Variants in CHAF1B observed in about 807,000 individuals in gnomAD.
The protein encoded by CHAF1B is CAF-1 subunit B.
A neutral mutation model predicts 60.7 loss-of-function variants in CHAF1B; 10 were observed. The ratio of observed to expected loss-of-function variants is 0.16; its 90% CI spans 0.10 to 0.28. The LOEUF is 0.28. Ranked by LOEUF, CHAF1B falls within the 10% of genes least tolerant of loss-of-function variation. The pLI, the probability that CHAF1B is intolerant of heterozygous loss-of-function variation, is 1.00. For missense variants in CHAF1B, 558 were observed against 708.4 expected, an observed-to-expected ratio of 0.79 and a Z score of 2.41; for synonymous variants, 261 against 266.1, an observed-to-expected ratio of 0.98 and a Z score of 0.19.
chr21:36,415,021 T>A (rs2086307014), intron 12 of CHAF1B, among the ~76,000 whole-genome samples: 1 of 152,216 alleles, frequency 6.6e-6, no homozygotes, highest in African/African-American at 2.4e-5. Flanking sequence ...CACAAGACCG[T>A]CGGTAATGAA....
chr21:36,409,619 A>T (rs548299774), intron 10 of CHAF1B, among the ~76,000 whole-genome samples, 154 bp downstream of exon 10: 1 of 151,966 alleles, frequency 6.6e-6, no homozygotes, highest in African/African-American at 2.4e-5. Context: ...TTACATTTAA[A>T]TCTATTTATT....
intron 3 of CHAF1B, among the ~76,000 whole-genome samples, chr21:36,389,415 G>C (rs2086063837): frequency 6.6e-6 from 1 of 152,002 alleles, no homozygotes; most frequent in Non-Finnish European, 1.5e-5. Context: ...AGATCAGCCT[G>C]GCCAATATAG....
At chr21:36,411,340 C>T (rs2086276581) in intron 10 of CHAF1B, 123 bp from the exon 11 acceptor site, 2 of 1,172,882 alleles carry the variant, frequency 1.7e-6, no homozygotes, top group Admixed American at 4.3e-5. Flanking sequence ...TCTCAAACTC[C>T]TGAGCTCAAG....
intron 5 of CHAF1B, among the ~76,000 whole-genome samples, chr21:36,395,344 G>A (rs988241156): frequency 2.0e-5 from 3 of 152,194 alleles, no homozygotes; most frequent in Admixed American, 1.3e-4. Context: ...CACCACACCC[G>A]GCCTACTTGC....
chr21:36,413,057 G>A lies in CHAF1B; in HGVS notation c.1235G>A (p.Gly412Glu), dbSNP rs776964270. 23 of 1,613,962 alleles carry A rather than the reference G, an allele frequency of 1.4e-5. No homozygotes were observed. The highest frequency in any genetic ancestry group is 1.9e-5 in the Non-Finnish European group (23 of 1,180,032). The change falls in exon 12 of 14, where the codon GGA (glycine) becomes GAA (glutamate). Residue 412 changes from glycine (G) to glutamate (E), a missense_variant. This residue lies in a region of CHAF1B where 233 missense variants were observed against 214.9 expected (regional missense o/e 1.08). Transcript: ENST00000314103. Reference sequence around the variant, plus strand: ...CAGACACATCGAGGGTCTTCGCCAGGACCCAGACCGGTAGAGGGAACCCCT... The same window carrying A: ...CAGACACATCGAGGGTCTTCGCCAGAACCCAGACCGGTAGAGGGAACCCCT... Reference protein sequence around the residue: ...KSQTHRGSSPGPRPVEGTPAS... With the variant: ...KSQTHRGSSPEPRPVEGTPAS...
rs557610606 is a variant in CHAF1B, at chr21:36,416,867, T to C, written c.*501T>C. The C allele has an allele frequency of 6.6e-6, 1 of 152,406 alleles. No homozygotes were observed. Among genetic ancestry groups the C allele is most frequent in the African/African-American group, 2.4e-5 (1 of 41,580 alleles). The allele number at this position is 152,406 out of a possible 1,614,324, so 9.4% of individuals were successfully genotyped here. The stretch of plus-strand genomic sequence containing the variant: ...CTGATTTTAAAGGTGACGATGCTTA[T>C]TCTTTTAGTAACTAAGTGAAGTGAA... On this transcript the variant is annotated 3_prime_UTR_variant, in exon 14 of 14. Transcript: ENST00000314103.
At chr21:36,389,800 T>TGTGTGTGTGTGTGTGCGC in intron 3 of CHAF1B, among the ~76,000 whole-genome samples, 25 of 124,794 alleles carry the variant, frequency 2.0e-4, no homozygotes, top group Middle Eastern at 4.1e-3. Flanking sequence ...TGTGTGTGTG[T>TGTGTGTGTGTGTGTGCGC]GCGCGCGCAC....
In CHAF1B at chr21:36,401,866, G is replaced by A. The variant is rs372577960; in HGVS notation, c.664-892G>A. 5.9e-5 allele frequency among the ~76,000 whole-genome samples: 9 copies of A among 151,550 alleles called. No individual in the cohort carries two copies. In the East Asian group the frequency reaches 7.7e-4, roughly 13 times the overall value. ...AGCGGTTCTCCTGCCTCAGCCTCCC[G>A]AGAAGCTGGGATTACAGGCGTGTGC... On this transcript the variant is annotated intron_variant, in intron 7 of 13. Transcript: ENST00000314103.
chr21:36,386,074 C>T lies in CHAF1B; in HGVS notation c.-63C>T. 2.5e-6 allele frequency: 4 copies of T among 1,601,808 alleles called. No homozygotes were observed. Among genetic ancestry groups the T allele is most frequent in the Non-Finnish European group, 3.4e-6 (4 of 1,172,040 alleles). On this transcript the variant is annotated 5_prime_UTR_variant, in exon 2 of 14. Transcript: ENST00000314103. ...TCCATCACCAGCATTTTGCAGCTTT[C>T]TCCTGTCTTGAAGAAGTAGAACGGT...
intron 13 of CHAF1B, chr21:36,416,015 A>G (rs566513584): frequency 2.6e-6 from 1 of 390,402 alleles, no homozygotes; most frequent in East Asian, 5.6e-5. Flanking sequence ...CAGCCTCCCA[A>G]AGTGCTGCGA....
chr21:36,416,952 T>C lies in CHAF1B; in HGVS notation c.*586T>C, dbSNP rs1415092954. ...AGTAACCCTCGTTAATGTTGTAGTATATTTCCTTAGCATTTTTGTGGATCT... is the reference window on the plus strand; with the variant it reads ...AGTAACCCTCGTTAATGTTGTAGTACATTTCCTTAGCATTTTTGTGGATCT... On this transcript the variant is annotated 3_prime_UTR_variant, in exon 14 of 14. Coordinates refer to ENST00000314103, the MANE Select transcript of CHAF1B (RefSeq NM_005441.3). 3 of 152,218 alleles carry C rather than the reference T, an allele frequency of 2.0e-5. No homozygotes were observed. The highest frequency in any genetic ancestry group is 4.4e-5 in the Non-Finnish European group (3 of 68,034). The allele number at this position is 152,218 out of a possible 1,614,324, so 9.4% of individuals were successfully genotyped here.
In CHAF1B at chr21:36,417,369, G is replaced by A. The variant is rs145013661; in HGVS notation, c.*1003G>A. 2.7e-4 allele frequency: 41 copies of A among 149,930 alleles called. No homozygotes were observed. Among genetic ancestry groups the A allele is most frequent in the Middle Eastern group, 3.4e-3 (1 of 294 alleles). 9.3% of individuals were successfully genotyped at this position (149,930 alleles called of 1,614,324 possible). ...TTTTGAGATGGAGTCTCACTCTGTCGCCCAGGCTGGAGTACAGTGGCACAA... is the reference window on the plus strand; with the variant it reads ...TTTTGAGATGGAGTCTCACTCTGTCACCCAGGCTGGAGTACAGTGGCACAA... On this transcript the variant is annotated 3_prime_UTR_variant, in exon 14 of 14. Coordinates refer to ENST00000314103, the MANE Select transcript of CHAF1B (RefSeq NM_005441.3).
chr21:36,396,608 G>A (rs2086141608), intron 5 of CHAF1B, among the ~76,000 whole-genome samples: 2 of 150,982 alleles, frequency 1.3e-5, no homozygotes, highest in African/African-American at 2.4e-5. Context: ...GAGCTCTGAC[G>A]GCGCCACTGC....
chr21:36,404,756 T>A (rs1240562323), intron 8 of CHAF1B, among the ~76,000 whole-genome samples: 3 of 127,344 alleles, frequency 2.4e-5, no homozygotes, highest in Non-Finnish European at 3.3e-5. Flanking sequence ...TTTTTTTTTT[T>A]TTTAAAAAGC....
At chr21:36,411,312 C>A in intron 10 of CHAF1B, 151 bp from the exon 11 acceptor site, 1 of 861,780 alleles carries the variant, frequency 1.2e-6, no homozygotes, top group Non-Finnish European at 1.8e-6. Flanking sequence ...CGGGGTTTTG[C>A]CATGTTGCTT....
intron 12 of CHAF1B, 49 bp from the exon 13 acceptor site, chr21:36,415,246 G>T: frequency 2.7e-6 from 3 of 1,108,902 alleles, no homozygotes; most frequent in Non-Finnish European, 4.1e-6. Flanking sequence ...AACAATTCCT[G>T]TGATACTAAT....
rs899372108 is a variant in CHAF1B, at chr21:36,388,275, G to A, written c.259+545G>A. On this transcript the variant is annotated intron_variant, in intron 3 of 13. Coordinates refer to ENST00000314103, the MANE Select transcript of CHAF1B (RefSeq NM_005441.3). ...CCTGTTTGAAAACAGCTGCTTTCCC[G>A]CAAGCTCCCACCAGGCTGTTCTAAG... Among the ~76,000 whole-genome samples, 5 of 152,152 alleles carry A rather than the reference G, an allele frequency of 3.3e-5. No homozygotes were observed. In the South Asian group the frequency reaches 6.2e-4, roughly 19 times the overall value.
At chr21:36,396,776 G>A (rs1384446761) in intron 5 of CHAF1B, among the ~76,000 whole-genome samples, 1 of 151,868 alleles carries the variant, frequency 6.6e-6, no homozygotes, top group African/African-American at 2.4e-5. Flanking sequence ...TGTTCGCATT[G>A]TCTGCTCTGG....
intron 8 of CHAF1B, among the ~76,000 whole-genome samples, chr21:36,406,674 A>G (rs1440460743): frequency 6.6e-6 from 1 of 152,192 alleles, no homozygotes; most frequent in Non-Finnish European, 1.5e-5. Flanking sequence ...GAATGACTAA[A>G]TCTAGCTAAT....
Sources: allele counts gnomAD v4.1 joint callset (sites outside exome capture counted in the v4.1 genomes callset), GRCh38; gene constraint gnomAD v4.1.1; regional missense constraint gnomAD v4.1.1; transcripts MANE v1.5; gene names NCBI Gene and HGNC (gene_info 2026-07-23, HGNC 2026-07-21).